The following TNR variants were observed in gnomAD, a reference collection of about 807,000 sequenced individuals.
TNR encodes tenascin-R.
Under a neutral mutation model 150.4 loss-of-function variants are expected in TNR, and 45 were observed. The observed-to-expected ratio is 0.30, with a 90% confidence interval of 0.24 to 0.38. TNR has a LOEUF of 0.38. Ranked by LOEUF, TNR falls within the 10% of genes least tolerant of loss-of-function variation. The probability of loss-of-function intolerance (pLI) is 1.00; values close to 1 mark genes in which losing one functional copy is unlikely to be tolerated. For synonymous variants in TNR, 687 were observed against 678.4 expected, an observed-to-expected ratio of 1.01 and a Z score of -0.20; for missense variants, 1,544 against 1,759.1, an observed-to-expected ratio of 0.88 and a Z score of 2.19.
chr1:175,672,688 A>T (rs1307135952), intron 1 of TNR, among the ~76,000 whole-genome samples: 1 of 152,178 alleles, frequency 6.6e-6, no homozygotes, highest in African/African-American at 2.4e-5. Flanking sequence ...CACTTGAGAA[A>T]CTTCCAAACC....
chr1:175,467,506 T>A (rs1175528713), intron 2 of TNR, among the ~76,000 whole-genome samples: 1 of 152,214 alleles, frequency 6.6e-6, no homozygotes, highest in Non-Finnish European at 1.5e-5. Context: ...CTCAGAGGAA[T>A]GACCTTTCTA....
chr1:175,550,053 G>A (rs1660876201), intron 1 of TNR, among the ~76,000 whole-genome samples: 1 of 152,192 alleles, frequency 6.6e-6, no homozygotes, highest in African/African-American at 2.4e-5. Context: ...CCCATAAAGG[G>A]AGGCTATTAC....
At chr1:175,477,814 G>A (rs1657615081) in intron 2 of TNR, among the ~76,000 whole-genome samples, 1 of 152,230 alleles carries the variant, frequency 6.6e-6, no homozygotes. Flanking sequence ...AAGCGTTACA[G>A]GTTCCCTGTC....
chr1:175,365,364 T>A (rs1651786220), intron 11 of TNR, 85 bp from the exon 12 acceptor site: 3 of 1,432,636 alleles, frequency 2.1e-6, no homozygotes, highest in Non-Finnish European at 2.8e-6. Flanking sequence ...TAAAGGGACC[T>A]GCTCTCCTTG....
At chr1:175,377,261 C>T (rs1258998873) in intron 9 of TNR, among the ~76,000 whole-genome samples, 3 of 152,228 alleles carry the variant, frequency 2.0e-5, no homozygotes, top group East Asian at 3.9e-4. Context: ...CAGTGAGTGT[C>T]GGATCTTCTT....
At chr1:175,423,934 C>G (rs1654861341) in intron 2 of TNR, among the ~76,000 whole-genome samples, 1 of 152,080 alleles carries the variant, frequency 6.6e-6, no homozygotes, top group South Asian at 2.1e-4. Context: ...CAGCCAAAAG[C>G]TATGGGCCTT....
rs55795922 is a variant in TNR at position 175,370,338 on chromosome 1, C to CTTTTTTTTTTT, written c.1964-3052_1964-3042dup. Among the ~76,000 whole-genome samples, 32 of 42,970 alleles carry CTTTTTTTTTTT rather than the reference C, an allele frequency of 7.4e-4. 4 individuals are homozygous for CTTTTTTTTTTT. The highest frequency in any genetic ancestry group is 3.1e-3 in the East Asian group (3 of 978). The allele number at this position is 42,970 out of a possible 152,430, so 28.2% of individuals were successfully genotyped here. A position where few individuals can be genotyped will look rare whatever the true frequency, so the allele number is the denominator to read the frequency against. ...GAGAACTATTCCTGGATTTTGAGTACTTTTTTTTTTTTTTTTTTTTTTTTT... is the reference window on the plus strand; with the variant it reads ...GAGAACTATTCCTGGATTTTGAGTACTTTTTTTTTTTTTTTTTTTTTTTTTTTTTTTTTTTT... On this transcript the variant is annotated intron_variant, in intron 9 of 22. Transcript: ENST00000367674.
chr1:175,659,238 C>T (rs537312600), intron 1 of TNR, among the ~76,000 whole-genome samples: 6 of 152,356 alleles, frequency 3.9e-5, no homozygotes, highest in Non-Finnish European at 5.9e-5. Context: ...AGCCGCAGCA[C>T]ACCTAGATTA....
Position 175,481,851 on chromosome 1 carries a change from C to G in TNR, c.-64+46418G>C, listed in dbSNP as rs867855385. On this transcript the variant is annotated intron_variant, in intron 2 of 22. Coordinates refer to ENST00000367674, the MANE Select transcript of TNR (RefSeq NM_003285.3). ...TTTCTCTAAGAACAAGCACACACGT[C>G]TGCCCAGAAAGCACTGTCCTGCTGC... Among the ~76,000 whole-genome samples the G allele has an allele frequency of 4.6e-5, 7 of 152,156 alleles. No individual in the cohort carries two copies. In the South Asian group the frequency reaches 6.2e-4, roughly 14 times the overall value.
chr1:175,694,329 C>T (rs1034754202), intron 1 of TNR, among the ~76,000 whole-genome samples: 2 of 152,222 alleles, frequency 1.3e-5, no homozygotes, highest in African/African-American at 4.8e-5. Flanking sequence ...TAAAACGTCA[C>T]AACCATTCAG....
chr1:175,494,371 G>A (rs552756284), intron 2 of TNR, among the ~76,000 whole-genome samples: 2 of 152,374 alleles, frequency 1.3e-5, no homozygotes, highest in East Asian at 3.8e-4. Context: ...CAGCTCCTGG[G>A]CAAAGCCCGA....
rs7513605 is a variant in TNR at position 175,320,200 on chromosome 1, C to T, written c.*3157G>A. 0.23 allele frequency: 34,238 copies of T among 152,094 alleles called. 5,227 individuals carry two copies. The highest frequency in any genetic ancestry group is 0.43 in the African/African-American group (17,883 of 41,398). The allele number at this position is 152,094 out of a possible 1,614,324, so 9.4% of individuals were successfully genotyped here. A position where few individuals can be genotyped will look rare whatever the true frequency, so the allele number is the denominator to read the frequency against. On this transcript the variant is annotated 3_prime_UTR_variant, in exon 23 of 23. Transcript: ENST00000367674. ...TAGGGTGGGTGCTTTGAGAGTATTG[C>T]TTACTGGATCTACCTTTGGGAAATG... is the stretch of plus-strand genomic sequence containing the variant.
At chr1:175,706,710 T>C (rs1213160094) in intron 1 of TNR, among the ~76,000 whole-genome samples, 1 of 152,154 alleles carries the variant, frequency 6.6e-6, no homozygotes, top group African/African-American at 2.4e-5. Flanking sequence ...TTCCATTCAC[T>C]GGCCCAGATT....
chr1:175,413,913 G>T (rs1654321575), intron 2 of TNR, among the ~76,000 whole-genome samples: 1 of 152,152 alleles, frequency 6.6e-6, no homozygotes, highest in South Asian at 2.1e-4. Flanking sequence ...CAGGTGTATT[G>T]CTTGAGCCCA....
intron 1 of TNR, among the ~76,000 whole-genome samples, chr1:175,624,720 G>A (rs12031193): frequency 0.45 from 68,304 of 151,900 alleles, 15,948 homozygotes; most frequent in African/African-American, 0.59. Context: ...TCAGTTTATG[G>A]CACTTCATTA....
chr1:175,679,429 G>A (rs932673450), intron 1 of TNR, among the ~76,000 whole-genome samples: 2 of 152,152 alleles, frequency 1.3e-5, no homozygotes, highest in African/African-American at 4.8e-5. Flanking sequence ...GCTAGAGGAG[G>A]GAGAGAGACA....
At chr1:175,680,895 G>A (rs1666014904) in intron 1 of TNR, among the ~76,000 whole-genome samples, 1 of 152,198 alleles carries the variant, frequency 6.6e-6, no homozygotes, top group East Asian at 1.9e-4. Flanking sequence ...TGTCTGGGTA[G>A]GAATCTTGGT....
chr1:175,374,410 C>T (rs1035345780), intron 9 of TNR, among the ~76,000 whole-genome samples: 3 of 151,992 alleles, frequency 2.0e-5, no homozygotes, highest in African/African-American at 7.3e-5. Flanking sequence ...GTAGTGTGTA[C>T]GTATGAGGGC....
At chr1:175,454,421 C>T (rs569434796) in intron 2 of TNR, among the ~76,000 whole-genome samples, 2 of 152,334 alleles carry the variant, frequency 1.3e-5, no homozygotes, top group African/African-American at 2.4e-5. Context: ...AGCATGTGCT[C>T]TGCAGTCCAG....
Sources: gnomAD v4.1 joint callset for allele counts (sites outside exome capture counted in the v4.1 genomes callset) on GRCh38, gnomAD v4.1.1 for gene constraint, MANE v1.5 for transcripts, NCBI Gene and HGNC (gene_info 2026-07-23, HGNC 2026-07-21) for gene names.